Variants in TMEM232 observed in about 807,000 individuals in gnomAD.
TMEM232 encodes the protein transmembrane protein 232.
A neutral mutation model predicts 78.8 loss-of-function variants in TMEM232; 80 were observed. The observed-to-expected ratio is 1.01, with a 90% CI of 0.85 to 1.22. TMEM232 has a LOEUF of 1.22. Among genes scored for constraint, TMEM232 ranks in the 50% most tolerant of loss-of-function variants. The pLI, the probability that TMEM232 is intolerant of heterozygous loss-of-function variation, is 0.00. For missense variants in TMEM232, 881 were observed against 742.2 expected (o/e 1.19, Z -2.17); for synonymous variants, 297 against 254.3 (o/e 1.17, Z -1.60).
At chr5:110,671,941 C>A (rs1791402533) in intron 1 of TMEM232, among the ~76,000 whole-genome samples, 1 of 151,784 alleles carries the variant, frequency 6.6e-6, no homozygotes, top group Admixed American at 6.6e-5. Flanking sequence ...TCAGAAATAT[C>A]TAGAAATATA....
intron 8 of TMEM232, among the ~76,000 whole-genome samples, chr5:110,611,865 G>C (rs999695284): frequency 3.3e-5 from 5 of 152,112 alleles, no homozygotes; most frequent in African/African-American, 1.2e-4. Context: ...ACAGAGAGCA[G>C]GGGAACAGTT....
At chr5:110,431,468 G>T (rs1216943962) in intron 12 of TMEM232, among the ~76,000 whole-genome samples, 8 of 151,634 alleles carry the variant, frequency 5.3e-5, no homozygotes, top group African/African-American at 1.7e-4. Flanking sequence ...AGCAGAAGAA[G>T]GTGAACTGTC....
intron 2 of TMEM232, among the ~76,000 whole-genome samples, chr5:110,651,281 T>C (rs1788263497): frequency 6.6e-6 from 1 of 152,098 alleles, no homozygotes; most frequent in Admixed American, 6.6e-5. Flanking sequence ...TAGAGTGATG[T>C]GGAAGAGACT....
rs150601769 is a variant in TMEM232, at chr5:110,614,596, G to C, written c.902+3833C>G. ...TTCCACCATTCGATATTCTTAATCA[G>C]CTACATTTACTGTTTCTGCAATCAT... On this transcript the variant is annotated intron_variant, in intron 8 of 13. Coordinates refer to ENST00000455884, the MANE Select transcript of TMEM232 (RefSeq NM_001039763.4). Among the ~76,000 whole-genome samples the C allele has an allele frequency of 3.9e-5, 6 of 152,142 alleles. No homozygotes were observed. In the East Asian group the frequency reaches 1.2e-3, roughly 29 times the overall value.
chr5:110,508,183 A>G lies in TMEM232; in HGVS notation c.1703+20405T>C, dbSNP rs555734954. Reference sequence around the variant, plus strand: ...GACTCAGGTTAGTGAACTATTGTGAACAGCCAAGAATTTAGTGACATATCA... The same window carrying G: ...GACTCAGGTTAGTGAACTATTGTGAGCAGCCAAGAATTTAGTGACATATCA... On this transcript the variant is annotated intron_variant, in intron 12 of 13. Transcript: ENST00000455884. 3.3e-5 allele frequency among the ~76,000 whole-genome samples: 5 copies of G among 152,280 alleles called. No individual in the cohort carries two copies. The East Asian group carries it at 9.7e-4, about 29-fold the overall frequency.
rs914419568 is a variant in TMEM232, at chr5:110,614,825, C to A, written c.902+3604G>T. On this transcript the variant is annotated intron_variant, in intron 8 of 13. Transcript: ENST00000455884. Reference sequence around the variant, plus strand: ...GAATCTCCTACAACTTACTTTCTATCTGAAAGAATCACCACAACTTCCAGA... The same window carrying A: ...GAATCTCCTACAACTTACTTTCTATATGAAAGAATCACCACAACTTCCAGA... Among the ~76,000 whole-genome samples, 15 of 152,074 alleles carry A rather than the reference C, an allele frequency of 9.9e-5. No homozygotes were observed. The East Asian group carries it at 2.9e-3, about 29-fold the overall frequency.
At chr5:110,653,752 A>G (rs1274180134) in intron 2 of TMEM232, among the ~76,000 whole-genome samples, 2 of 152,200 alleles carry the variant, frequency 1.3e-5, no homozygotes, top group South Asian at 4.1e-4. Context: ...ATTGGACGGG[A>G]GGAATCTGAG....
At chr5:110,599,025 A>T (rs1346387829) in intron 10 of TMEM232, among the ~76,000 whole-genome samples, 2 of 152,078 alleles carry the variant, frequency 1.3e-5, no homozygotes, top group East Asian at 1.9e-4. Flanking sequence ...AATAAAAAAA[A>T]GAAAAGAATT....
intron 12 of TMEM232, among the ~76,000 whole-genome samples, chr5:110,436,835 T>C (rs1461912878): frequency 6.6e-6 from 1 of 152,088 alleles, no homozygotes; most frequent in East Asian, 1.9e-4. Context: ...GACAGTACCA[T>C]GCTTTTTTGG....
chr5:110,490,569 G>T (rs1044893535), intron 12 of TMEM232, among the ~76,000 whole-genome samples: 12 of 151,978 alleles, frequency 7.9e-5, no homozygotes, highest in African/African-American at 2.7e-4. Flanking sequence ...TCTTTAAAAA[G>T]AATAATAAAA....
At chr5:110,507,791 T>C (rs960081815) in intron 12 of TMEM232, among the ~76,000 whole-genome samples, 2 of 152,234 alleles carry the variant, frequency 1.3e-5, no homozygotes, top group African/African-American at 2.4e-5. Context: ...AGGATGAGTA[T>C]GTCAGATTTC....
At chr5:110,537,840 A>G (rs1772590828) in intron 11 of TMEM232, among the ~76,000 whole-genome samples, 1 of 152,254 alleles carries the variant, frequency 6.6e-6, no homozygotes. Flanking sequence ...AAGCTTTCCA[A>G]ACTTTGGCCT....
At chr5:110,463,422 T>C (rs1761746619) in intron 12 of TMEM232, among the ~76,000 whole-genome samples, 1 of 152,228 alleles carries the variant, frequency 6.6e-6, no homozygotes, top group African/African-American at 2.4e-5. Context: ...AATAACAGAA[T>C]TGTGTAACTC....
intron 3 of TMEM232, among the ~76,000 whole-genome samples, chr5:110,392,819 C>T (rs1439439476): frequency 6.6e-6 from 1 of 152,136 alleles, no homozygotes; most frequent in Non-Finnish European, 1.5e-5. Context: ...TTTCAATGAC[C>T]TAACATGGAG....
At chr5:110,498,913 C>T (rs1221712651) in intron 12 of TMEM232, among the ~76,000 whole-genome samples, 1 of 152,140 alleles carries the variant, frequency 6.6e-6, no homozygotes, top group African/African-American at 2.4e-5. Context: ...CTAGCTATAA[C>T]TAAAGTCATA....
chr5:110,704,119 C>A (rs1029397978), intron 1 of TMEM232, among the ~76,000 whole-genome samples: 2 of 152,036 alleles, frequency 1.3e-5, no homozygotes, highest in African/African-American at 4.8e-5. Flanking sequence ...TGATAAAACT[C>A]TTTTTACAGT....
chr5:110,490,192 A>AGAAAGAAG (rs879275196), intron 12 of TMEM232, among the ~76,000 whole-genome samples: 82 of 150,734 alleles, frequency 5.4e-4, no homozygotes, highest in Non-Finnish European at 4.7e-4. Flanking sequence ...AAAGAAAGAA[A>AGAAAGAAG]AAGTTAATTG....
At chr5:110,622,509 A>G (rs1219148584) in intron 7 of TMEM232, among the ~76,000 whole-genome samples, 2 of 152,138 alleles carry the variant, frequency 1.3e-5, no homozygotes, top group Admixed American at 1.3e-4. Flanking sequence ...TGTCCCTACA[A>G]AGGACATGAA....
At chr5:110,658,549 T>G (rs971178888) in intron 2 of TMEM232, among the ~76,000 whole-genome samples, 12 of 152,140 alleles carry the variant, frequency 7.9e-5, no homozygotes, top group Admixed American at 7.9e-4. Context: ...GAAAATATTT[T>G]CAAGAATAAA....
Sources: allele counts gnomAD v4.1 joint callset (sites outside exome capture counted in the v4.1 genomes callset), GRCh38; gene constraint gnomAD v4.1.1; transcripts MANE v1.5; gene names NCBI Gene and HGNC (gene_info 2026-07-23, HGNC 2026-07-21).